Variants in GNA14 observed in about 807,000 individuals in gnomAD.
GNA14 encodes guanine nucleotide-binding protein subunit alpha-14.
In GNA14, 50 loss-of-function variants were observed where a neutral mutation model predicts 42.0. The observed-to-expected ratio is 1.19, with a 90% CI of 0.95 to 1.51. GNA14 has a LOEUF of 1.51. GNA14 is among the 40% of genes most tolerant of loss of function. The pLI, the probability that GNA14 is intolerant of heterozygous loss-of-function variation, is 0.00. For missense variants in GNA14, 473 were observed against 446.2 expected (o/e 1.06, Z -0.54); for synonymous variants, 173 against 163.1 (o/e 1.06, Z -0.46).
At chr9:77,502,793 CTT>C (rs1328575647) in intron 2 of GNA14, among the ~76,000 whole-genome samples, 1 of 152,104 alleles carries the variant, frequency 6.6e-6, no homozygotes, top group Non-Finnish European at 1.5e-5. Flanking sequence ...TTTGCTGAGT[CTT>C]TGCTGGCATG....
chr9:77,618,257 C>CA (rs1163786475), intron 1 of GNA14, among the ~76,000 whole-genome samples: 1 of 152,084 alleles, frequency 6.6e-6, no homozygotes, highest in Non-Finnish European at 1.5e-5. Flanking sequence ...AGGATCATTT[C>CA]ATTGTTGAAT....
intron 1 of GNA14, among the ~76,000 whole-genome samples, chr9:77,579,793 G>A (rs1823187797): frequency 6.6e-6 from 1 of 152,216 alleles, no homozygotes; most frequent in African/African-American, 2.4e-5. Flanking sequence ...TGCTTGGACA[G>A]AAATTACTGC....
intron 2 of GNA14, among the ~76,000 whole-genome samples, chr9:77,481,333 T>C (rs1836549224): frequency 6.6e-6 from 1 of 152,226 alleles, no homozygotes. Context: ...GAGCAGGTTG[T>C]TCAGTTTCCT....
chr9:77,621,524 C>G (rs13288162), intron 1 of GNA14, among the ~76,000 whole-genome samples: 39,872 of 151,856 alleles, frequency 0.26, 6,453 homozygotes, highest in African/African-American at 0.46. Flanking sequence ...TTAGTGTCCA[C>G]TCTTATCCTG....
chr9:77,463,997 T>TTGA (rs1158266991), intron 2 of GNA14, among the ~76,000 whole-genome samples: 38 of 152,206 alleles, frequency 2.5e-4, no homozygotes, highest in African/African-American at 8.9e-4. Context: ...AACTGGTTTG[T>TTGA]TGTTGTTGTT....
intron 2 of GNA14, among the ~76,000 whole-genome samples, chr9:77,525,615 T>C (rs1837421681): frequency 6.6e-6 from 1 of 151,106 alleles, no homozygotes; most frequent in African/African-American, 2.4e-5. Context: ...CTCCGCTCAC[T>C]GCAAGCTCTG....
intron 1 of GNA14, among the ~76,000 whole-genome samples, chr9:77,589,007 G>A (rs955428026): frequency 2.6e-5 from 4 of 152,190 alleles, no homozygotes; most frequent in Non-Finnish European, 5.9e-5. Flanking sequence ...GTTTGCTTTA[G>A]ACATTAGCAT....
chr9:77,578,086 TG>T (rs1449759293), intron 1 of GNA14, among the ~76,000 whole-genome samples: 2 of 118,640 alleles, frequency 1.7e-5, no homozygotes, highest in Non-Finnish European at 3.2e-5. Context: ...GCCAACATGG[TG>T]AAATGGTGAA....
At chr9:77,584,804 T>C (rs920561886) in intron 1 of GNA14, among the ~76,000 whole-genome samples, 9 of 152,098 alleles carry the variant, frequency 5.9e-5, no homozygotes, top group Non-Finnish European at 1.3e-4. Flanking sequence ...TTCTTGATTA[T>C]ATACTAAATA....
chr9:77,499,118 T>C (rs778831496), intron 2 of GNA14, among the ~76,000 whole-genome samples: 11 of 152,204 alleles, frequency 7.2e-5, no homozygotes, highest in Non-Finnish European at 1.0e-4. Context: ...TAAGATGGTA[T>C]TAAGGAAAGG....
At chr9:77,632,485 G>A (rs1231210900) in intron 1 of GNA14, among the ~76,000 whole-genome samples, 1 of 152,164 alleles carries the variant, frequency 6.6e-6, no homozygotes, top group African/African-American at 2.4e-5. Flanking sequence ...GGGGCTAAAA[G>A]AGCTGTAACA....
At chr9:77,574,765 C>T (rs972786803) in intron 1 of GNA14, among the ~76,000 whole-genome samples, 1 of 152,190 alleles carries the variant, frequency 6.6e-6, no homozygotes, top group Non-Finnish European at 1.5e-5. Context: ...CAACCTTCCT[C>T]CATGCTGCAG....
chr9:77,468,639 C>G lies in GNA14; in HGVS notation c.310-34117G>C, dbSNP rs186799742. Among the ~76,000 whole-genome samples the G allele has an allele frequency of 3.6e-3, 548 of 152,270 alleles. 1 individual carries two copies. The highest frequency in any genetic ancestry group is 6.8e-3 in the Middle Eastern group (2 of 294). On this transcript the variant is annotated intron_variant, in intron 2 of 6. Transcript: ENST00000341700. Reference sequence around the variant, plus strand: ...TGGTGTGACTGTGATCTGATTTGGTCGACATAATGTGAGAAGTCTGTCACT... The same window carrying G: ...TGGTGTGACTGTGATCTGATTTGGTGGACATAATGTGAGAAGTCTGTCACT...
At chr9:77,609,171 C>T (rs1162608277) in intron 1 of GNA14, among the ~76,000 whole-genome samples, 2 of 152,190 alleles carry the variant, frequency 1.3e-5, no homozygotes, top group Non-Finnish European at 2.9e-5. Context: ...TTAGACATTT[C>T]CTCAGCTAAA....
chr9:77,562,050 A>G (rs926738671), intron 1 of GNA14, among the ~76,000 whole-genome samples: 3 of 152,210 alleles, frequency 2.0e-5, no homozygotes, highest in Admixed American at 1.3e-4. Flanking sequence ...TAGGTTCACA[A>G]TACGGATTAA....
intron 1 of GNA14, among the ~76,000 whole-genome samples, chr9:77,594,544 A>G (rs1429119975): frequency 6.6e-6 from 1 of 152,206 alleles, no homozygotes; most frequent in Admixed American, 6.5e-5. Flanking sequence ...ACTTGAGCTG[A>G]GGTGACACTC....
At chr9:77,518,622 T>C (rs1180132768) in intron 2 of GNA14, among the ~76,000 whole-genome samples, 3 of 152,242 alleles carry the variant, frequency 2.0e-5, no homozygotes, top group Non-Finnish European at 4.4e-5. Flanking sequence ...GAGTTATTCC[T>C]GTTATCATCA....
At chr9:77,531,486 T>C (rs1837528040) in intron 1 of GNA14, among the ~76,000 whole-genome samples, 1 of 152,208 alleles carries the variant, frequency 6.6e-6, no homozygotes, top group African/African-American at 2.4e-5. Context: ...CTGCAGCATC[T>C]TGGAGTCCCT....
intron 1 of GNA14, among the ~76,000 whole-genome samples, chr9:77,540,209 T>C (rs1490490114): frequency 6.6e-6 from 1 of 152,194 alleles, no homozygotes; most frequent in East Asian, 1.9e-4. Context: ...TAAATTTCCA[T>C]CTTAATTTCT....
Sources: allele counts gnomAD v4.1 joint callset (sites outside exome capture counted in the v4.1 genomes callset), GRCh38; gene constraint gnomAD v4.1.1; transcripts MANE v1.5; gene names NCBI Gene and HGNC (gene_info 2026-07-23, HGNC 2026-07-21).